Variants in CWF19L2 observed in about 807,000 individuals in gnomAD.
CWF19L2 encodes CWF19 like cell cycle control factor 2.
A neutral mutation model predicts 111.7 loss-of-function variants in CWF19L2; 98 were observed. The ratio of observed to expected loss-of-function variants is 0.88; its 90% CI spans 0.75 to 1.04. The LOEUF (loss-of-function observed/expected upper bound fraction) is 1.04, where lower values mean the gene tolerates loss of function less well. Among genes scored for constraint, CWF19L2 ranks in the 50% least tolerant of loss-of-function variants. CWF19L2 has a pLI of 0.00. For synonymous variants in CWF19L2, 351 were observed against 342.9 expected (o/e 1.02, Z -0.26); for missense variants, 1,101 against 1,051.4 (o/e 1.05, Z -0.65).
At chr11:107,423,830 C>T (rs1048242780) in intron 8 of CWF19L2, among the ~76,000 whole-genome samples, 7 of 151,798 alleles carry the variant, frequency 4.6e-5, no homozygotes, top group African/African-American at 1.4e-4. Context: ...TCCATCAATC[C>T]ATCTCCTTCT....
At chr11:107,443,077 T>C in intron 3 of CWF19L2, 28 bp from the exon 4 acceptor site, 11 of 1,389,560 alleles carry the variant, frequency 7.9e-6, no homozygotes, top group Non-Finnish European at 1.0e-5. Flanking sequence ...ATAAGTGAAA[T>C]TGTCAAATTT....
At chr11:107,358,579 G>C (rs1438173999) in intron 12 of CWF19L2, among the ~76,000 whole-genome samples, 1 of 152,122 alleles carries the variant, frequency 6.6e-6, no homozygotes, top group African/African-American at 2.4e-5. Flanking sequence ...ATTATGCTAA[G>C]TGAAAAAAGT....
chr11:107,432,740 A>G (rs997567841), intron 7 of CWF19L2, among the ~76,000 whole-genome samples: 5 of 152,262 alleles, frequency 3.3e-5, no homozygotes, highest in African/African-American at 1.2e-4. Context: ...TGATTTGCTC[A>G]TTCTTTCTGT....
At chr11:107,337,165 G>C (rs1374175731) in intron 14 of CWF19L2, among the ~76,000 whole-genome samples, 3 of 152,146 alleles carry the variant, frequency 2.0e-5, no homozygotes, top group Non-Finnish European at 4.4e-5. Flanking sequence ...TGCATTTGTT[G>C]GTTCCCTATG....
chr11:107,367,151 G>A (rs1375377134), intron 12 of CWF19L2, among the ~76,000 whole-genome samples: 1 of 115,814 alleles, frequency 8.6e-6, no homozygotes, highest in Non-Finnish European at 1.9e-5. Flanking sequence ...CAGTTAGAAT[G>A]GCAATCATTA....
chr11:107,452,098 TAAC>T (rs1345987438), intron 3 of CWF19L2, among the ~76,000 whole-genome samples: 2 of 151,968 alleles, frequency 1.3e-5, no homozygotes, highest in Non-Finnish European at 2.9e-5. Context: ...CAACAACAAT[TAAC>T]AAATAAAACA....
At chr11:107,384,310 C>T (rs1161721467) in intron 12 of CWF19L2, among the ~76,000 whole-genome samples, 1 of 152,182 alleles carries the variant, frequency 6.6e-6, no homozygotes, top group Non-Finnish European at 1.5e-5. Context: ...TTTACATATA[C>T]ATTCCATCTT....
chr11:107,411,343 T>C (rs11212210), intron 10 of CWF19L2, among the ~76,000 whole-genome samples: 5,581 of 152,212 alleles, frequency 0.037, 139 homozygotes, highest in East Asian at 0.11. Context: ...AGTAAAAGTA[T>C]AGTAATAGCT....
chr11:107,348,704 T>C (rs1271441268), intron 14 of CWF19L2: 15 of 241,266 alleles, frequency 6.2e-5, no homozygotes, highest in Non-Finnish European at 9.6e-5. Flanking sequence ...AAATAATTAT[T>C]ACTTTGTCAC....
chr11:107,385,115 C>T (rs1860746040), intron 12 of CWF19L2, among the ~76,000 whole-genome samples: 1 of 151,878 alleles, frequency 6.6e-6, no homozygotes, highest in Admixed American at 6.6e-5. Context: ...TTTAGTAACG[C>T]CTCAAATTTT....
At position 107,386,675 on chromosome 11, in the gene CWF19L2, C is replaced by A. The variant is rs73547693; in HGVS notation, c.1872+3399G>T. Among the ~76,000 whole-genome samples, 684 of 152,274 alleles carry A rather than the reference C, an allele frequency of 4.5e-3. 3 individuals carry two copies. Among genetic ancestry groups the A allele is most frequent in the African/African-American group, 0.016 (654 of 41,552 alleles). On this transcript the variant is annotated intron_variant, in intron 12 of 17. Transcript: ENST00000282251. The stretch of plus-strand genomic sequence containing the variant: ...TGGCTGCACTTCTTAGTTTTATTTG[C>A]TGAATCCTTTCTGTCCTCTCCAGGA...
At chr11:107,443,141 T>C (rs939740718) in intron 3 of CWF19L2, 92 bp from the exon 4 acceptor site, 24 of 849,454 alleles carry the variant, frequency 2.8e-5, no homozygotes, top group Non-Finnish European at 4.0e-5. Context: ...TTCAACATCG[T>C]AGAAAAAAAT....
chr11:107,457,305 G>A (rs1234880013), intron 1 of CWF19L2, among the ~76,000 whole-genome samples: 1 of 152,178 alleles, frequency 6.6e-6, no homozygotes, highest in Non-Finnish European at 1.5e-5. Context: ...CTATTCAAGT[G>A]TGACTTGAAT....
At chr11:107,388,412 T>G (rs1198405085) in intron 12 of CWF19L2, among the ~76,000 whole-genome samples, 1 of 151,996 alleles carries the variant, frequency 6.6e-6, no homozygotes, top group Non-Finnish European at 1.5e-5. Flanking sequence ...AGACGGAGTC[T>G]TGCTCTGTCG....
intron 10 of CWF19L2, among the ~76,000 whole-genome samples, chr11:107,409,514 C>T (rs900751628): frequency 3.9e-5 from 6 of 152,004 alleles, no homozygotes; most frequent in African/African-American, 1.2e-4. Flanking sequence ...TAATTTCCTG[C>T]GTTATCTTTT....
At chr11:107,391,815 C>T (rs1860851857) in intron 11 of CWF19L2, among the ~76,000 whole-genome samples, 1 of 152,166 alleles carries the variant, frequency 6.6e-6, no homozygotes, top group Non-Finnish European at 1.5e-5. Context: ...ACTCCAATCA[C>T]CCCCTGGCTC....
At position 107,390,075 on chromosome 11, in the gene CWF19L2, T is replaced by TAGGAA. The variant is rs752939383; in HGVS notation, c.1870_1871insTTCCT (p.Lys624IlefsTer71). Reference sequence around the variant, plus strand: ...AGGTATCCTAGGAATATATCTTACCTTAGATGCCATTCTCATAAAGAGCTT... The same window carrying TAGGAA: ...AGGTATCCTAGGAATATATCTTACCTAGGAATAGATGCCATTCTCATAAAGAGCTT... On this transcript the variant is annotated frameshift_variant and splice_region_variant, in exon 12 of 18. Coordinates refer to ENST00000282251, the MANE Select transcript of CWF19L2 (RefSeq NM_152434.3). LOFTEE classifies it high-confidence loss of function. 6.2e-7 allele frequency: 1 copy of TAGGAA among 1,612,346 alleles called. No homozygotes were observed. The highest frequency in any genetic ancestry group is 8.5e-7 in the Non-Finnish European group (1 of 1,179,238).
intron 7 of CWF19L2, among the ~76,000 whole-genome samples, chr11:107,430,210 G>GAA (rs200097533): frequency 7.3e-6 from 1 of 136,874 alleles, no homozygotes. Flanking sequence ...AAAACTCAAG[G>GAA]AAAAAAAAAA....
chr11:107,426,907 G>C (rs1036409548), intron 8 of CWF19L2, among the ~76,000 whole-genome samples: 1 of 151,698 alleles, frequency 6.6e-6, no homozygotes, highest in Non-Finnish European at 1.5e-5. Flanking sequence ...TGACATGAAA[G>C]GGAGATTTAC....
Sources: gnomAD v4.1 joint callset for allele counts (sites outside exome capture counted in the v4.1 genomes callset) on GRCh38, gnomAD v4.1.1 for gene constraint, MANE v1.5 for transcripts, NCBI Gene and HGNC (gene_info 2026-07-23, HGNC 2026-07-21) for gene names.